Variants in RBL1 observed in about 807,000 individuals in gnomAD.
RBL1 encodes the protein retinoblastoma-like protein 1.
Under a neutral mutation model 123.0 loss-of-function variants are expected in RBL1, and 82 were observed. The ratio of observed to expected loss-of-function variants is 0.67; its 90% CI spans 0.56 to 0.80. The LOEUF (loss-of-function observed/expected upper bound fraction) is 0.80, where lower values mean the gene tolerates loss of function less well. RBL1 is among the 30% of genes least tolerant of loss of function. The pLI, the probability that RBL1 is intolerant of heterozygous loss-of-function variation, is 0.00. For missense variants in RBL1, 1,171 were observed against 1,299.6 expected (o/e 0.90, Z 1.52); for synonymous variants, 405 against 441.3 (o/e 0.92, Z 1.03).
chr20:37,033,634 G>T (rs543931178), intron 15 of RBL1, among the ~76,000 whole-genome samples: 8 of 139,326 alleles, frequency 5.7e-5, no homozygotes, highest in African/African-American at 1.9e-4. Context: ...TTTTTTTTGA[G>T]ACAGTCTCAC....
intron 2 of RBL1, among the ~76,000 whole-genome samples, chr20:37,085,220 C>A (rs2146330911): frequency 6.6e-6 from 1 of 151,792 alleles, no homozygotes; most frequent in South Asian, 2.1e-4. Context: ...CAACCTTCGC[C>A]TCCCTGGGTT....
intron 2 of RBL1, among the ~76,000 whole-genome samples, chr20:37,079,797 T>G (rs1441422092): frequency 2.6e-5 from 4 of 152,226 alleles, no homozygotes; most frequent in Non-Finnish European, 5.9e-5. Context: ...CCACAAAGGT[T>G]TCTATATGTA....
chr20:37,066,192 G>A (rs1285744980), intron 6 of RBL1, among the ~76,000 whole-genome samples: 1 of 152,112 alleles, frequency 6.6e-6, no homozygotes, highest in African/African-American at 2.4e-5. Flanking sequence ...AAACCCAAAG[G>A]AACAAGCCAA....
intron 14 of RBL1, among the ~76,000 whole-genome samples, chr20:37,036,276 A>C (rs1042850491): frequency 6.6e-6 from 1 of 152,128 alleles, no homozygotes; most frequent in African/African-American, 2.4e-5. Context: ...CTTTTAAAAC[A>C]AAAGTATTTA....
At chr20:37,045,551 G>A (rs1242324408) in intron 12 of RBL1, among the ~76,000 whole-genome samples, 2 of 152,002 alleles carry the variant, frequency 1.3e-5, no homozygotes, top group East Asian at 1.9e-4. Flanking sequence ...CCAGGAGTTC[G>A]AGACCAGCCT....
At chr20:37,028,803 T>C (rs890300612) in intron 16 of RBL1, among the ~76,000 whole-genome samples, 1 of 152,228 alleles carries the variant, frequency 6.6e-6, no homozygotes, top group Non-Finnish European at 1.5e-5. Context: ...TCTAAACTTA[T>C]AGCTCACCAG....
At chr20:37,025,799 G>C (rs2064410105) in intron 16 of RBL1, among the ~76,000 whole-genome samples, 2 of 151,478 alleles carry the variant, frequency 1.3e-5, no homozygotes, top group African/African-American at 4.9e-5. Context: ...CTGGAGTGCG[G>C]TGGCGTGATC....
intron 10 of RBL1, among the ~76,000 whole-genome samples, 158 bp from the exon 11 acceptor site, chr20:37,055,814 C>G (rs1352104204): frequency 2.0e-5 from 3 of 152,010 alleles, no homozygotes; most frequent in Non-Finnish European, 4.4e-5. Flanking sequence ...TTTGGGAGGC[C>G]TAGGCAAGCA....
In RBL1 at chr20:37,095,974, C is replaced by A. The variant is rs2065736617; in HGVS notation, c.-46G>T. Reference sequence around the variant, plus strand: ...GCGCGCCACGGCCCCCGACTTCTTTCTCCCTCCCAGGCGCGCTACCCACAA... The same window carrying A: ...GCGCGCCACGGCCCCCGACTTCTTTATCCCTCCCAGGCGCGCTACCCACAA... On this transcript the variant is annotated 5_prime_UTR_variant, in exon 1 of 22. Coordinates refer to ENST00000373664, the MANE Select transcript of RBL1 (RefSeq NM_002895.5). 7.0e-7 allele frequency: 1 copy of A among 1,426,860 alleles called. No individual in the cohort carries two copies. The highest frequency in any genetic ancestry group is 9.3e-7 in the Non-Finnish European group (1 of 1,075,648). The allele number at this position is 1,426,860 out of a possible 1,614,324, so 88.4% of individuals were successfully genotyped here.
At chr20:37,018,202 T>C (rs2146222629) in intron 19 of RBL1, 77 bp downstream of exon 19, 2 of 1,385,708 alleles carry the variant, frequency 1.4e-6, no homozygotes, top group Non-Finnish European at 1.9e-6. Flanking sequence ...CATTTCCATG[T>C]TGTCTGACAC....
chr20:37,044,664 A>T (rs886507674), intron 12 of RBL1, among the ~76,000 whole-genome samples: 1 of 152,186 alleles, frequency 6.6e-6, no homozygotes, highest in Non-Finnish European at 1.5e-5. Context: ...TGTGGCACAG[A>T]ACCAAAGTCA....
At chr20:37,052,618 T>C (rs565506573) in intron 11 of RBL1, among the ~76,000 whole-genome samples, 58 of 152,322 alleles carry the variant, frequency 3.8e-4, no homozygotes, top group African/African-American at 1.4e-3. Context: ...CAAGCGATTC[T>C]CCTGTCTCAG....
intron 21 of RBL1, among the ~76,000 whole-genome samples, chr20:37,002,857 A>G (rs1407081031): frequency 6.7e-6 from 1 of 149,774 alleles, no homozygotes; most frequent in Non-Finnish European, 1.5e-5. Context: ...AGAGTAGCTG[A>G]GATTATAGGT....
intron 7 of RBL1, among the ~76,000 whole-genome samples, chr20:37,063,673 A>T (rs981264399): frequency 1.3e-5 from 2 of 151,348 alleles, no homozygotes; most frequent in African/African-American, 4.9e-5. Flanking sequence ...CATCACACCC[A>T]GATAATTTTT....
intron 9 of RBL1, among the ~76,000 whole-genome samples, chr20:37,058,043 T>C (rs1384710657): frequency 6.6e-6 from 1 of 150,502 alleles, no homozygotes; most frequent in Non-Finnish European, 1.5e-5. Flanking sequence ...GAGAATCGAT[T>C]GAACCTGGGA....
intron 11 of RBL1, among the ~76,000 whole-genome samples, chr20:37,048,972 G>A (rs560259258): frequency 3.3e-5 from 5 of 151,472 alleles, no homozygotes; most frequent in Non-Finnish European, 7.4e-5. Context: ...GAGGCCGAGG[G>A]GGGTGGATTA....
rs747415681 is a variant in RBL1, at chr20:37,062,128, C to T, written c.1039G>A (p.Ala347Thr). The T allele has an allele frequency of 3.1e-6, 5 of 1,614,162 alleles. No homozygotes were observed. Among genetic ancestry groups the T allele is most frequent in the East Asian group, 4.5e-5 (2 of 44,870 alleles). ...AGGTTATACTCCACATTAGCCTGTG[C>T]TGTCAGTTTCCCTAATGGGGTGTCA... ...TRDTPLGKLT[A>T]QANVEYNLQQ... Residue 347 changes from alanine to threonine, a missense_variant, in exon 8 of 22, where the codon GCA becomes ACA. By Grantham distance (58) the Ala-to-Thr change is moderately conservative (BLOSUM62 0). Transcript: ENST00000373664.
At chr20:37,091,021 T>C (rs2065637302) in intron 1 of RBL1, among the ~76,000 whole-genome samples, 1 of 152,186 alleles carries the variant, frequency 6.6e-6, no homozygotes, top group Non-Finnish European at 1.5e-5. Flanking sequence ...AATCACTTCA[T>C]GACTTCACTG....
intron 7 of RBL1, among the ~76,000 whole-genome samples, chr20:37,062,955 C>T (rs1412494051): frequency 6.6e-6 from 1 of 152,132 alleles, no homozygotes; most frequent in Non-Finnish European, 1.5e-5. Context: ...GCACTCCAGC[C>T]TGGGCGACAG....
Sources: gnomAD v4.1 joint callset for allele counts (sites outside exome capture counted in the v4.1 genomes callset) on GRCh38, gnomAD v4.1.1 for gene constraint, MANE v1.5 for transcripts, NCBI Gene and HGNC (gene_info 2026-07-23, HGNC 2026-07-21) for gene names.